COL6A3: variants seen among roughly 807,000 people sequenced by gnomAD.
COL6A3 encodes collagen type VI alpha 3 chain.
A neutral mutation model predicts 274.1 loss-of-function variants in COL6A3; 137 were observed. The observed-to-expected ratio is 0.50, with a 90% CI of 0.44 to 0.58. The LOEUF is 0.58. COL6A3 is among the 20% of genes least tolerant of loss of function. COL6A3 has a pLI of 0.00. For missense variants in COL6A3, 3,950 were observed against 4,124.9 expected (o/e 0.96, Z 1.16); for synonymous variants, 1,650 against 1,650.6 (o/e 1.00, Z 0.01).
At position 237,407,383 on chromosome 2, in the gene COL6A3, T is replaced by C. The variant is rs747494014; in HGVS notation, c.-31+6570A>G. On this transcript the variant is annotated intron_variant, in intron 1 of 43. Transcript: ENST00000295550. The surrounding 1 kb of genome is among the most constrained non-coding windows in gnomAD (Gnocchi z 4.3). ...CACTTACGGGGGTCCTTGTTAGATA[T>C]GGAGTAGCGGATTCGAGATCTTCAA... 1.7e-4 allele frequency among the ~76,000 whole-genome samples: 26 copies of C among 152,194 alleles called. No homozygotes were observed. Among genetic ancestry groups the C allele is most frequent in the Non-Finnish European group, 3.2e-4 (22 of 68,036 alleles).
chr2:237,342,821 A>T (rs1197511171), intron 36 of COL6A3: 1 of 153,978 alleles, frequency 6.5e-6, no homozygotes, highest in African/African-American at 2.4e-5. Flanking sequence ...TCAAGAGCAC[A>T]TGGCCGGTAG....
At position 237,340,889 on chromosome 2, in the gene COL6A3, T is replaced by A; in HGVS notation, c.8027A>T (p.Asp2676Val). Residue 2676 changes from aspartate to valine, a missense_variant, in exon 38 of 44, where the codon GAC (aspartate) becomes GTC (valine). Asp to Val is a radical substitution (Grantham distance 152). Around this residue, in one of 5 missense-constraint regions of COL6A3, gnomAD observed 1,284 missense variants for 1,349.7 expected, o/e 0.95. Coordinates refer to ENST00000295550, the MANE Select transcript of COL6A3 (RefSeq NM_004369.4). ...VVQHAPSESV[D>V]NASMPPVKVE... The stretch of plus-strand genomic sequence containing the variant: ...CTTCACAGGTGGCATGCTGGCATTG[T>A]CCACGGACTCAGAGGGCGCGTGCTG... 6.2e-7 allele frequency: 1 copy of A among 1,613,594 alleles called. No individual in the cohort carries two copies. Among genetic ancestry groups the A allele is most frequent in the Non-Finnish European group, 8.5e-7 (1 of 1,179,578 alleles).
chr2:237,347,655 A>G, intron 31 of COL6A3, 152 bp downstream of exon 31: 1 of 789,334 alleles, frequency 1.3e-6, no homozygotes, highest in Non-Finnish European at 2.1e-6. Flanking sequence ...CCCTGAGGAC[A>G]TTGGTCTGGG....
At position 237,347,955 on chromosome 2, in the gene COL6A3, G is replaced by A. The variant is rs747660909; in HGVS notation, c.6967-86C>T. 1.4e-5 allele frequency: 17 copies of A among 1,258,482 alleles called. No individual in the cohort carries two copies. In the Admixed American group the frequency reaches 2.0e-4, roughly 14 times the overall value. The allele number at this position is 1,258,482 out of a possible 1,614,324, so 78.0% of individuals were successfully genotyped here. A position where few individuals can be genotyped will look rare whatever the true frequency, so the allele number is the denominator to read the frequency against. ...CCGTGGGGTAAGACATCCAGGAGAC[G>A]TGTGGGTCACACTTTTCCCGGGCAG... On this transcript the variant is annotated intron_variant, in intron 30 of 43. Coordinates refer to ENST00000295550, the MANE Select transcript of COL6A3 (RefSeq NM_004369.4).
chr2:237,395,956 T>C (rs952988546), intron 2 of COL6A3, among the ~76,000 whole-genome samples: 1 of 152,212 alleles, frequency 6.6e-6, no homozygotes, highest in Non-Finnish European at 1.5e-5. Context: ...GGTGCCCTTC[T>C]GCAGCTGTGA....
Position 237,368,917 on chromosome 2 carries a change from T to G in COL6A3, c.4546A>C (p.Thr1516Pro), listed in dbSNP as rs2077618984. Residue 1516 changes from threonine to proline, a missense_variant, in exon 10 of 44, where the codon ACT (threonine) becomes CCT (proline). Transcript: ENST00000295550. This position sits in a 1 kb window ranked among gnomAD's most constrained non-coding sequence, Gnocchi z 4.4. ...GCCACAAATTCGAGAGCCTTGCCAGTGTTCAGTGGGGACCCCCCTCTGAGC... is the reference window on the plus strand; with the variant it reads ...GCCACAAATTCGAGAGCCTTGCCAGGGTTCAGTGGGGACCCCCCTCTGAGC... ...LRLRGGSPLN[T>P]GKALEFVARN... The G allele has an allele frequency of 6.2e-7, 1 of 1,614,084 alleles. No individual in the cohort carries two copies. Among genetic ancestry groups the G allele is most frequent in the Admixed American group, 1.7e-5 (1 of 60,008 alleles).
intron 1 of COL6A3, among the ~76,000 whole-genome samples, chr2:237,409,179 A>C (rs2645782): frequency 0.53 from 81,013 of 151,986 alleles, 21,802 homozygotes; most frequent in East Asian, 0.68. Flanking sequence ...CCAAGGTAGT[A>C]GTTTTTTTGA....
chr2:237,344,385 T>C lies in COL6A3; in HGVS notation c.7633A>G (p.Arg2545Gly). Residue 2545 changes from arginine to glycine, a missense_variant, in exon 36 of 44, where the codon AGG (arginine) becomes GGG (glycine). Around this residue, in one of 5 missense-constraint regions of COL6A3, gnomAD observed 1,284 missense variants for 1,349.7 expected, o/e 0.95. Coordinates refer to ENST00000295550, the MANE Select transcript of COL6A3 (RefSeq NM_004369.4). This position sits in a 1 kb window ranked among gnomAD's most constrained non-coding sequence, Gnocchi z 4.8. ...TTGATGAGCTGCCGGTCTTCCTGCCTTGTAAGGAACAAGGGGGTGATCCCC... is the reference window on the plus strand; with the variant it reads ...TTGATGAGCTGCCGGTCTTCCTGCCCTGTAAGGAACAAGGGGGTGATCCCC... ...DAGITPLFLT[R>G]QEDRQLINAL... 1.2e-6 allele frequency: 2 copies of C among 1,614,150 alleles called. No homozygotes were observed. The highest frequency in any genetic ancestry group is 1.7e-6 in the Non-Finnish European group (2 of 1,179,994).
Position 237,371,341 on chromosome 2 carries a change from A to T in COL6A3, c.4285+391T>A, listed in dbSNP as rs147367735. Among the ~76,000 whole-genome samples, 9 of 152,276 alleles carry T rather than the reference A, an allele frequency of 5.9e-5. No homozygotes were observed. In the East Asian group the frequency reaches 1.7e-3, roughly 29 times the overall value. On this transcript the variant is annotated intron_variant, in intron 9 of 43. Transcript: ENST00000295550. The surrounding 1 kb of genome is among the most constrained non-coding windows in gnomAD (Gnocchi z 4.3). ...GCTGGGCGCGGTGTCTCAGGCCTGTAATCCCAGCACTTTGGGAGGCCGCAG... is the reference window on the plus strand; with the variant it reads ...GCTGGGCGCGGTGTCTCAGGCCTGTTATCCCAGCACTTTGGGAGGCCGCAG...
intron 4 of COL6A3, among the ~76,000 whole-genome samples, chr2:237,383,819 A>G (rs1161399332): frequency 1.3e-5 from 2 of 151,896 alleles, no homozygotes; most frequent in Admixed American, 6.6e-5. Context: ...TGCATCACTA[A>G]AAGTTCTCCC....
chr2:237,397,245 GGAAGGGAAGGAAGGAAGAAGTGAAA>G (rs973616760), intron 1 of COL6A3, among the ~76,000 whole-genome samples: 4 of 146,112 alleles, frequency 2.7e-5, no homozygotes, highest in Admixed American at 6.9e-5. Flanking sequence ...GTGAAGGAAG[GGAAGGGAAGGAAGGAAGAAGTGAAA>G]GAAGGGAAGG....
chr2:237,337,350 G>C (rs1221927099), intron 39 of COL6A3, among the ~76,000 whole-genome samples: 1 of 152,112 alleles, frequency 6.6e-6, no homozygotes, highest in South Asian at 2.1e-4. Flanking sequence ...TTAGAGCCTA[G>C]AAAAATGGAG....
chr2:237,394,271 C>T (rs570997582), intron 3 of COL6A3, among the ~76,000 whole-genome samples: 1 of 152,184 alleles, frequency 6.6e-6, no homozygotes, highest in Admixed American at 6.5e-5. Flanking sequence ...CAGATGCACA[C>T]CTCACCACTC....
At chr2:237,375,472 T>G (rs1432068108) in intron 7 of COL6A3, among the ~76,000 whole-genome samples, 1 of 152,216 alleles carries the variant, frequency 6.6e-6, no homozygotes, top group Non-Finnish European at 1.5e-5. Context: ...GCAACACTGG[T>G]TTCCAATTTC....
intron 7 of COL6A3, 106 bp downstream of exon 7, chr2:237,376,666 T>C: frequency 8.8e-7 from 1 of 1,134,292 alleles, no homozygotes; most frequent in East Asian, 2.3e-5. Flanking sequence ...ACCTTTCCTG[T>C]AAACTCAAGG....
chr2:237,361,261 C>A lies in COL6A3; in HGVS notation c.6157-87G>T, dbSNP rs2077431314. ...ATCCCTGTGGTCCCCCTTCATTTGG[C>A]AGAGCAGCACTAAAACTCAGCATGG... On this transcript the variant is annotated intron_variant, in intron 15 of 43. Transcript: ENST00000295550. The surrounding 1 kb of genome is among the most constrained non-coding windows in gnomAD (Gnocchi z 5.1). 4.2e-6 allele frequency: 5 copies of A among 1,203,664 alleles called. No homozygotes were observed. The South Asian group carries it at 4.9e-5, about 12-fold the overall frequency. The allele number at this position is 1,203,664 out of a possible 1,614,324, so 74.6% of individuals were successfully genotyped here. A position where few individuals can be genotyped will look rare whatever the true frequency, so the allele number is the denominator to read the frequency against.
rs886470638 is a variant in COL6A3 at position 237,377,012 on chromosome 2, G to A, written c.2830C>T (p.Leu944=). 3 of 1,614,080 alleles carry A rather than the reference G, an allele frequency of 1.9e-6. No individual in the cohort carries two copies. Among genetic ancestry groups the A allele is most frequent in the African/African-American group, 1.3e-5 (1 of 74,912 alleles). ...GACCTTCCTGCGACCAGCAGCACCA[G>A]GAACTGAAGCACTCCATCCTCGATC... is the stretch of plus-strand genomic sequence containing the variant. ...SRIEDGVLQF[L]VLLVAGRSSD... is the part of the protein sequence containing the mutation. Residue 944 remains leucine (L), a synonymous_variant, in exon 7 of 44, where the codon CTG becomes TTG. Coordinates refer to ENST00000295550, the MANE Select transcript of COL6A3 (RefSeq NM_004369.4).
At chr2:237,363,142 G>GC (rs2077474107) in intron 14 of COL6A3, 111 bp downstream of exon 14, 4 of 1,037,672 alleles carry the variant, frequency 3.9e-6, no homozygotes, top group South Asian at 1.3e-5. Context: ...TATCTACCAA[G>GC]GCCCCCCCCC....
At chr2:237,347,362 C>T (rs1419529034) in intron 31 of COL6A3, among the ~76,000 whole-genome samples, 2 of 152,184 alleles carry the variant, frequency 1.3e-5, no homozygotes, top group Non-Finnish European at 2.9e-5. Context: ...GAAGAGGAAT[C>T]TCAGCACCAG....
Sources: allele counts gnomAD v4.1 joint callset (sites outside exome capture counted in the v4.1 genomes callset), GRCh38; gene constraint gnomAD v4.1.1; regional missense constraint gnomAD v4.1.1; non-coding constraint Gnocchi (gnomAD v3.1); transcripts MANE v1.5; gene names NCBI Gene and HGNC (gene_info 2026-07-23, HGNC 2026-07-21).